Variants in SHC2 observed in about 807,000 individuals in gnomAD.
SHC2 encodes SHC adaptor protein 2, also known as SHC-transforming protein 2.
Under a neutral mutation model 60.6 loss-of-function variants are expected in SHC2, and 62 were observed. The ratio of observed to expected loss-of-function variants is 1.02; its 90% CI spans 0.83 to 1.26. The LOEUF is 1.26. Among genes scored for constraint, SHC2 ranks in the 50% most tolerant of loss-of-function variants. SHC2 has a pLI of 0.00. For missense variants in SHC2, 873 were observed against 822.2 expected (o/e 1.06, Z -0.76); for synonymous variants, 375 against 372.4 (o/e 1.01, Z -0.08).
chr19:426,463 G>A (rs28551639), intron 9 of SHC2, among the ~76,000 whole-genome samples: 1 of 110,348 alleles, frequency 9.1e-6, no homozygotes, highest in Non-Finnish European at 1.9e-5. Flanking sequence ...GGACGACACC[G>A]AGAGAGGCAG....
chr19:421,833 C>T (rs1176939435), intron 11 of SHC2, among the ~76,000 whole-genome samples: 2 of 152,144 alleles, frequency 1.3e-5, no homozygotes, highest in Admixed American at 6.5e-5. Flanking sequence ...CCACTTGAGC[C>T]CAGGAGTTCG....
At chr19:419,243 G>A (rs544556902) in intron 11 of SHC2, 187 bp from the exon 12 acceptor site, 16 of 641,842 alleles carry the variant, frequency 2.5e-5, no homozygotes, top group African/African-American at 9.2e-5. Context: ...CCATGGGCAC[G>A]GGCTCTGAAA....
chr19:428,855 A>AC (rs1555704674), intron 9 of SHC2, among the ~76,000 whole-genome samples: 1 of 151,722 alleles, frequency 6.6e-6, no homozygotes, highest in Non-Finnish European at 1.5e-5. Context: ...CAGTACCTAT[A>AC]CCCAACATGC....
chr19:423,001 G>C (rs902898714), intron 10 of SHC2, among the ~76,000 whole-genome samples: 1 of 152,184 alleles, frequency 6.6e-6, no homozygotes, highest in Admixed American at 6.5e-5. Flanking sequence ...AGGGGTGGGC[G>C]TGTCCCCAGG....
Position 436,863 on chromosome 19 carries a change from G to C in SHC2, c.721-180C>G, listed in dbSNP as rs1974736105. On this transcript the variant is annotated intron_variant, in intron 4 of 12. Transcript: ENST00000264554. ...GGGTCAGCCTGGACGACCGAGGCTG[G>C]GATGTGGAGTCCCCAGCAAGGAAGG... Among the ~76,000 whole-genome samples, 4 of 152,254 alleles carry C rather than the reference G, an allele frequency of 2.6e-5. No individual in the cohort carries two copies. The South Asian group carries it at 8.3e-4, about 32-fold the overall frequency.
At chr19:421,413 A>AG (rs1974269316) in intron 11 of SHC2, among the ~76,000 whole-genome samples, 1 of 141,674 alleles carries the variant, frequency 7.1e-6, no homozygotes, top group Non-Finnish European at 1.5e-5. Flanking sequence ...AAAAAAAAAA[A>AG]AAAGAAAAGA....
In SHC2 at chr19:437,302, GTCTGTGTGCTCA is replaced by G. The variant is rs1302731612; in HGVS notation, c.721-631_721-620del. ...CGTCTGTGTGCTCATCTGCGTGCTC[GTCTGTGTGCTCA>G]TCTGCATGCTCATCTGCGTGCTTGT... On this transcript the variant is annotated intron_variant, in intron 4 of 12. Transcript: ENST00000264554. Among the ~76,000 whole-genome samples the G allele has an allele frequency of 3.4e-5, 5 of 149,046 alleles. No individual in the cohort carries two copies. The East Asian group carries it at 9.7e-4, about 29-fold the overall frequency.
At chr19:437,751 C>T (rs1476725986) in intron 4 of SHC2, among the ~76,000 whole-genome samples, 1 of 152,094 alleles carries the variant, frequency 6.6e-6, no homozygotes, top group African/African-American at 2.4e-5. Flanking sequence ...ACCACACCAG[C>T]TCAGAGATGC....
Position 425,012 on chromosome 19 carries a change from G to C in SHC2, c.1309+85C>G, listed in dbSNP as rs923840823. The C allele has an allele frequency of 8.5e-6, 11 of 1,290,660 alleles. No individual in the cohort carries two copies. The South Asian group carries it at 2.2e-4, about 25-fold the overall frequency. 80.0% of individuals were successfully genotyped at this position (1,290,660 alleles called of 1,614,324 possible). ...CTCCCCCATCAGACCAGGGAATCCC[G>C]TAGGGAGTGGGGGTGGGGTTGTGCC... On this transcript the variant is annotated intron_variant, in intron 10 of 12. Transcript: ENST00000264554. This position sits in a 1 kb window ranked among gnomAD's most constrained non-coding sequence, Gnocchi z 4.1.
At chr19:459,540 G>C (rs1446284962) in intron 1 of SHC2, among the ~76,000 whole-genome samples, 1 of 143,542 alleles carries the variant, frequency 7.0e-6, no homozygotes, top group Admixed American at 6.8e-5. Context: ...AGTGTAGAGG[G>C]AAGGACCCTA....
At position 445,034 on chromosome 19, in the gene SHC2, G is replaced by A. The variant is rs941411853; in HGVS notation, c.469-4102C>T. Among the ~76,000 whole-genome samples, 3 of 152,264 alleles carry A rather than the reference G, an allele frequency of 2.0e-5. No individual in the cohort carries two copies. Among genetic ancestry groups the A allele is most frequent in the African/African-American group, 7.2e-5 (3 of 41,474 alleles). ...TCCCCCTGCACGACGGGAAGAGGCGGGGACCTCAGCTCACTGCATGTCCCA... is the reference window on the plus strand; with the variant it reads ...TCCCCCTGCACGACGGGAAGAGGCGAGGACCTCAGCTCACTGCATGTCCCA... On this transcript the variant is annotated intron_variant, in intron 1 of 12. Coordinates refer to ENST00000264554, the MANE Select transcript of SHC2 (RefSeq NM_012435.3). This position sits in a 1 kb window ranked among gnomAD's most constrained non-coding sequence, Gnocchi z 4.4.
At position 452,767 on chromosome 19, in the gene SHC2, G is replaced by A. The variant is rs559713415; in HGVS notation, c.468+7762C>T. 1.7e-4 allele frequency among the ~76,000 whole-genome samples: 26 copies of A among 152,342 alleles called. No homozygotes were observed. In the East Asian group the frequency reaches 4.8e-3, roughly 28 times the overall value. ...GCTGCAGCTGGTGGATCTCAGACCTGAGTGTGACTCAGAATCACCTGGAGG... is the reference window on the plus strand; with the variant it reads ...GCTGCAGCTGGTGGATCTCAGACCTAAGTGTGACTCAGAATCACCTGGAGG... On this transcript the variant is annotated intron_variant, in intron 1 of 12. Transcript: ENST00000264554.
At chr19:430,161 G>T (rs562225072) in intron 9 of SHC2, among the ~76,000 whole-genome samples, 1 of 143,570 alleles carries the variant, frequency 7.0e-6, no homozygotes, top group African/African-American at 2.6e-5. Flanking sequence ...ACCTGATACC[G>T]TGTGGATGAC....
At position 422,489 on chromosome 19, in the gene SHC2, AG is replaced by A; in HGVS notation, c.1310-34del. On this transcript the variant is annotated intron_variant, in intron 10 of 12. Transcript: ENST00000264554. The surrounding 1 kb of genome is among the most constrained non-coding windows in gnomAD (Gnocchi z 5.0). ...CCAGGGACAGGAGTGCTGGGCAGGC[AG>A]GGGGCAAGCAGCTACTCCTGCCGGG... 6.8e-7 allele frequency: 1 copy of A among 1,468,890 alleles called. No individual in the cohort carries two copies. Among genetic ancestry groups the A allele is most frequent in the Non-Finnish European group, 9.1e-7 (1 of 1,103,870 alleles). The allele number at this position is 1,468,890 out of a possible 1,614,324, so 91.0% of individuals were successfully genotyped here.
intron 1 of SHC2, among the ~76,000 whole-genome samples, chr19:451,387 C>T (rs1004310157): frequency 5.3e-5 from 8 of 151,968 alleles, no homozygotes; most frequent in Admixed American, 2.6e-4. Flanking sequence ...TGGGCCACGT[C>T]GTATTTCAGC....
chr19:416,752 G>C lies in SHC2; in HGVS notation c.*576C>G, dbSNP rs960591861. 3.3e-5 allele frequency: 5 copies of C among 152,210 alleles called. No individual in the cohort carries two copies. Among genetic ancestry groups the C allele is most frequent in the Admixed American group, 3.3e-4 (5 of 15,282 alleles). The allele number at this position is 152,210 out of a possible 1,614,324, so 9.4% of individuals were successfully genotyped here. A position where few individuals can be genotyped will look rare whatever the true frequency, so the allele number is the denominator to read the frequency against. On this transcript the variant is annotated 3_prime_UTR_variant, in exon 13 of 13. Transcript: ENST00000264554. ...GGAGTAGGGGCCTCACGACTGCCTCGATATCCACTGTCTTGGAGCAGCCTG... is the reference window on the plus strand; with the variant it reads ...GGAGTAGGGGCCTCACGACTGCCTCCATATCCACTGTCTTGGAGCAGCCTG...
rs1974776952 is a variant in SHC2, at chr19:438,706, G to A, written c.720+12C>T. On this transcript the variant is annotated intron_variant, in intron 4 of 12. Coordinates refer to ENST00000264554, the MANE Select transcript of SHC2 (RefSeq NM_012435.3). The surrounding 1 kb of genome is among the most constrained non-coding windows in gnomAD (Gnocchi z 5.0). ...GGGGTCTGGGGACGCCAGGCGAAGA[G>A]GGCAGACCCACCTGGCGCGTGGCAG... 1 of 1,550,772 alleles carries A rather than the reference G, an allele frequency of 6.4e-7. No individual in the cohort carries two copies. The highest frequency in any genetic ancestry group is 8.7e-7 in the Non-Finnish European group (1 of 1,147,956).
rs1269919497 is a variant in SHC2 at position 417,290 on chromosome 19, G to A, written c.*38C>T. ...CATGACAGGCAGGAGCCGGGGCTGA[G>A]AACAGGCAGGAGCCAGGGCTGAGAA... On this transcript the variant is annotated 3_prime_UTR_variant, in exon 13 of 13. Transcript: ENST00000264554. 6.5e-6 allele frequency: 1 copy of A among 153,076 alleles called. No individual in the cohort carries two copies. Among genetic ancestry groups the A allele is most frequent in the African/African-American group, 2.4e-5 (1 of 41,452 alleles). The allele number at this position is 153,076 out of a possible 1,614,324, so 9.5% of individuals were successfully genotyped here.
At chr19:431,583 A>T (rs11668349) in intron 8 of SHC2, among the ~76,000 whole-genome samples, 56 of 40,072 alleles carry the variant, frequency 1.4e-3, no homozygotes, top group African/African-American at 7.6e-3. Context: ...TGAGTGAGAG[A>T]TAGAGGAGGC....
Sources: allele counts gnomAD v4.1 joint callset (sites outside exome capture counted in the v4.1 genomes callset), GRCh38; gene constraint gnomAD v4.1.1; non-coding constraint Gnocchi (gnomAD v3.1); transcripts MANE v1.5; gene names NCBI Gene and HGNC (gene_info 2026-07-23, HGNC 2026-07-21).